The following FAM47C variants were observed in gnomAD, a reference collection of about 807,000 sequenced individuals.
The protein encoded by FAM47C is putative protein FAM47C.
For synonymous variants in FAM47C, 307 were observed against 346.5 expected, an observed-to-expected ratio of 0.89 and a Z score of 1.27; for missense variants, 847 against 879.9, an observed-to-expected ratio of 0.96 and a Z score of 0.47.
In FAM47C at chrX:37,011,450, C is replaced by T. The variant is rs143561128; in HGVS notation, c.3040C>T (p.Pro1014Ser). ...ATGGACTTATGACTCTGTTAAGACT[C>T]CTATTCAACGTGCAATGCAAGTTTA... The part of the protein sequence containing the change: ...RGWTYDSVKT[P>S]IQRAMQVYKY... Residue 1014 changes from proline to serine, a missense_variant, in exon 1 of 1, where the codon CCT becomes TCT. Coordinates refer to ENST00000358047, the MANE Select transcript of FAM47C (RefSeq NM_001013736.3). 1.3e-3 allele frequency: 1,513 copies of T among 1,207,868 alleles called. 14 individuals carry two copies. Among genetic ancestry groups the T allele is most frequent in the Non-Finnish European group, 1.5e-4 (130 of 894,327 alleles).
chrX:37,008,685 G>A lies in FAM47C; in HGVS notation c.275G>A (p.Ser92Asn), dbSNP rs368080118. ...AGAGGTCCCCAAGCTGACCCCAAAA[G>A]CAGGAAGAAAAAGCTGCTCAAGAAA... ...SLRGPQADPK[S>N]RKKKLLKKAA... The change falls in exon 1 of 1, where the codon AGC becomes AAC. Residue 92 changes from serine (S) to asparagine (N), a missense_variant. Physicochemically the swap from Ser to Asn is conservative, Grantham distance 46 (BLOSUM62 1). Coordinates refer to ENST00000358047, the MANE Select transcript of FAM47C (RefSeq NM_001013736.3). 42 of 1,210,499 alleles carry A rather than the reference G, an allele frequency of 3.5e-5. No individual in the cohort carries two copies. Among genetic ancestry groups the A allele is most frequent in the Non-Finnish European group, 4.7e-5 (42 of 895,327 alleles).
In FAM47C at chrX:37,010,989, A is replaced by G. The variant is rs782763070; in HGVS notation, c.2579A>G (p.Asp860Gly). 7.4e-6 allele frequency: 9 copies of G among 1,212,185 alleles called. No homozygotes were observed. In the South Asian group the frequency reaches 1.6e-4, roughly 21 times the overall value. Residue 860 changes from aspartate (D) to glycine (G), a missense_variant, in exon 1 of 1, where the codon GAC becomes GGC. By Grantham distance (94) the Asp-to-Gly change is moderately conservative. Coordinates refer to ENST00000358047, the MANE Select transcript of FAM47C (RefSeq NM_001013736.3). ...CTCCGTGACTTCAAGTGGGCTGGAG[A>G]CCTAGGAGTTAATGAAGAATCCATC... ...RKLRDFKWAG[D>G]LGVNEESISS...
chrX:37,008,424 G>A lies in FAM47C; in HGVS notation c.14G>A (p.Arg5Lys), dbSNP rs2731737. 6 of 1,200,737 alleles carry A rather than the reference G, an allele frequency of 5.0e-6. No homozygotes were observed. In the South Asian group the frequency reaches 7.1e-5, roughly 14 times the overall value. ...GCGAGGGCCACCATGGGGGACCAGAGGCCGCAGGACCGGCCCAGTTCCCCG... is the reference window on the plus strand; with the variant it reads ...GCGAGGGCCACCATGGGGGACCAGAAGCCGCAGGACCGGCCCAGTTCCCCG... MGDQ[R>K]PQDRPSSPGM... Residue 5 changes from arginine (R) to lysine (K), a missense_variant, in exon 1 of 1, where the codon AGG becomes AAG. By Grantham distance (26) the Arg-to-Lys change is conservative. Coordinates refer to ENST00000358047, the MANE Select transcript of FAM47C (RefSeq NM_001013736.3).
In FAM47C at chrX:37,011,452, T is replaced by C; in HGVS notation, c.3042T>C (p.Pro1014=). The C allele has an allele frequency of 8.3e-7, 1 of 1,209,495 alleles. No homozygotes were observed. The highest frequency in any genetic ancestry group is 1.1e-6 in the Non-Finnish European group (1 of 894,574). The stretch of plus-strand genomic sequence containing the variant: ...GGACTTATGACTCTGTTAAGACTCC[T>C]ATTCAACGTGCAATGCAAGTTTACA... ...RGWTYDSVKT[P]IQRAMQVYKY... is the part of the protein sequence containing the mutation. The change falls in exon 1 of 1, where the codon CCT becomes CCC. Residue 1014 remains proline (P), a synonymous_variant. Transcript: ENST00000358047.
At position 37,008,507 on chromosome X, in the gene FAM47C, C is replaced by T. The variant is rs61730913; in HGVS notation, c.97C>T (p.Arg33Cys). Residue 33 changes from arginine (R) to cysteine (C), a missense_variant, in exon 1 of 1, where the codon CGC (arginine) becomes TGC (cysteine). By Grantham distance (180) the Arg-to-Cys change is radical. Transcript: ENST00000358047. ...ACCGCCTTCCAAGTACTTCGCGAAG[C>T]GCAAGCACAGGCGCCTGAGGTTCCC... Reference protein sequence around the residue: ...DKPPSKYFAKRKHRRLRFPPV... With the variant: ...DKPPSKYFAKCKHRRLRFPPV... 1.5e-4 allele frequency: 184 copies of T among 1,211,598 alleles called. No homozygotes were observed. The African/African-American group carries it at 2.5e-3, about 17-fold the overall frequency.
At position 37,010,683 on chromosome X, in the gene FAM47C, G is replaced by A. The variant is rs376888720; in HGVS notation, c.2273G>A (p.Arg758His). Residue 758 changes from arginine (R) to histidine (H), a missense_variant, in exon 1 of 1, where the codon CGC becomes CAC. By Grantham distance (29) the Arg-to-His change is conservative. Coordinates refer to ENST00000358047, the MANE Select transcript of FAM47C (RefSeq NM_001013736.3). The stretch of plus-strand genomic sequence containing the variant: ...CTCCGCCCAGAGCCTCTTGAGACTC[G>A]CGTATCTCATCTCCGCCCGGAGCCT... ...SSLRPEPLET[R>H]VSHLRPEPPE... 4 of 1,207,859 alleles carry A rather than the reference G, an allele frequency of 3.3e-6. No homozygotes were observed. The highest frequency in any genetic ancestry group is 4.4e-5 in the Admixed American group (2 of 45,663).
rs369077079 is a variant in FAM47C at position 37,010,423 on chromosome X, C to G, written c.2013C>G (p.Pro671=). 4.4e-6 allele frequency: 5 copies of G among 1,148,038 alleles called. No individual in the cohort carries two copies. The East Asian group carries it at 1.3e-4, about 29-fold the overall frequency. 94.6% of individuals were successfully genotyped at this position (1,148,038 alleles called of 1,213,427 possible). The change falls in exon 1 of 1, where the codon CCC becomes CCG. Residue 671 remains proline, a synonymous_variant. Coordinates refer to ENST00000358047, the MANE Select transcript of FAM47C (RefSeq NM_001013736.3). ...TRVSSLPPEP[P]ETGVSHLCPE... ...TGTCCAGTCTCCCCCCGGAGCCCCC[C>G]GAGACTGGAGTGTCCCATCTCTGCC... is the stretch of plus-strand genomic sequence containing the variant.
chrX:37,009,279 G>C lies in FAM47C; in HGVS notation c.869G>C (p.Arg290Pro). The C allele has an allele frequency of 2.5e-6, 3 of 1,209,033 alleles. No individual in the cohort carries two copies. Among genetic ancestry groups the C allele is most frequent in the South Asian group, 1.8e-5 (1 of 56,827 alleles). Residue 290 changes from arginine (R) to proline (P), a missense_variant, in exon 1 of 1, where the codon CGC becomes CCC. By Grantham distance (103) the Arg-to-Pro change is moderately radical (BLOSUM62 -2). Coordinates refer to ENST00000358047, the MANE Select transcript of FAM47C (RefSeq NM_001013736.3). ...SHLCPEPPKT[R>P]VSHLHREPPE... ...CTCTGCCCAGAGCCTCCCAAGACTC[G>C]CGTATCTCATCTCCATCGGGAGCCT...
Position 37,008,951 on chromosome X carries a change from T to C in FAM47C, c.541T>C (p.Tyr181His), listed in dbSNP as rs146258005. The change falls in exon 1 of 1, where the codon TAC (tyrosine) becomes CAC (histidine). Residue 181 changes from tyrosine to histidine, a missense_variant. Physicochemically the swap from Tyr to His is moderately conservative, Grantham distance 83. Coordinates refer to ENST00000358047, the MANE Select transcript of FAM47C (RefSeq NM_001013736.3). Reference sequence around the variant, plus strand: ...TGACGAACCCACGGAGCCTGGTAAATACCCCTGTGGGGAATTCTCCCCTCG... The same window carrying C: ...TGACGAACCCACGGAGCCTGGTAAACACCCCTGTGGGGAATTCTCCCCTCG... The part of the protein sequence containing the change: ...TTDEPTEPGK[Y>H]PCGEFSPRPP... 196 of 1,209,841 alleles carry C rather than the reference T, an allele frequency of 1.6e-4. No individual in the cohort carries two copies. The highest frequency in any genetic ancestry group is 1.7e-4 in the Non-Finnish European group (155 of 894,967).
rs1556332096 is a variant in FAM47C at position 37,009,464 on chromosome X, T to C, written c.1054T>C (p.Ser352Pro). ...CCCAGAGCCTCCCGAGACTGGAGTG[T>C]CCCATCTCTGCCCGGAACCTCCAGA... ...LHPEPPETGV[S>P]HLCPEPPETR... is the part of the protein sequence containing the mutation. The change falls in exon 1 of 1, where the codon TCC (serine) becomes CCC (proline). Residue 352 changes from serine (S) to proline (P), a missense_variant. Coordinates refer to ENST00000358047, the MANE Select transcript of FAM47C (RefSeq NM_001013736.3). 3.3e-6 allele frequency: 4 copies of C among 1,207,712 alleles called. No individual in the cohort carries two copies. Among genetic ancestry groups the C allele is most frequent in the Middle Eastern group, 2.3e-4 (1 of 4,336 alleles).
At position 37,009,538 on chromosome X, in the gene FAM47C, C is replaced by G. The variant is rs782735990; in HGVS notation, c.1128C>G (p.Ser376=). 5.8e-6 allele frequency: 7 copies of G among 1,205,426 alleles called. No individual in the cohort carries two copies. In the East Asian group the frequency reaches 1.8e-4, roughly 31 times the overall value. ...LRQLPPEAGV[S]HLCPEPPKTR... ...AGCTGCCTCCCGAGGCTGGAGTGTC[C>G]CATCTCTGCCCGGAACCTCCCAAGA... is the stretch of plus-strand genomic sequence containing the variant. The change falls in exon 1 of 1, where the codon TCC becomes TCG. Residue 376 remains serine, a synonymous_variant. Coordinates refer to ENST00000358047, the MANE Select transcript of FAM47C (RefSeq NM_001013736.3).
In FAM47C at chrX:37,008,611, T is replaced by C; in HGVS notation, c.201T>C (p.Asp67=). The C allele has an allele frequency of 2.5e-6, 3 of 1,212,340 alleles. No individual in the cohort carries two copies. Among genetic ancestry groups the C allele is most frequent in the Non-Finnish European group, 2.2e-6 (2 of 895,587 alleles). Residue 67 remains aspartate (D), a synonymous_variant, in exon 1 of 1, where the codon GAT becomes GAC. Transcript: ENST00000358047. ...GCTACGGCTGTCAGTCTCCTGAAGA[T>C]ACGCTTGTTTGTCGCCGTGACGAGT... is the stretch of plus-strand genomic sequence containing the variant. The part of the protein sequence containing the change: ...DFRYGCQSPE[D]TLVCRRDEFL...
Position 37,011,228 on chromosome X carries a change from G to T in FAM47C, c.2818G>T (p.Ala940Ser). Residue 940 changes from alanine to serine, a missense_variant, in exon 1 of 1, where the codon GCA (alanine) becomes TCA (serine). Ala to Ser is a moderately conservative substitution (Grantham distance 99). Coordinates refer to ENST00000358047, the MANE Select transcript of FAM47C (RefSeq NM_001013736.3). ...ACAGCATGTGAAGATGGGGTATGGA[G>T]CATGGTACCTCAAGCCTAAGTTGGG... is the stretch of plus-strand genomic sequence containing the variant. ...SAQHVKMGYG[A>S]WYLKPKLGKK... The T allele has an allele frequency of 8.3e-7, 1 of 1,211,484 alleles. No individual in the cohort carries two copies.
chrX:37,008,910 G>T lies in FAM47C; in HGVS notation c.500G>T (p.Gly167Val). ...RKLEDAGSCE[G>V]QEKTTDEPTE... is the part of the protein sequence containing the mutation. ...CTGGAGGACGCAGGCTCTTGTGAGG[G>T]CCAGGAGAAGACAACTGACGAACCC... Residue 167 changes from glycine (G) to valine (V), a missense_variant, in exon 1 of 1, where the codon GGC becomes GTC. Physicochemically the swap from Gly to Val is moderately radical, Grantham distance 109. Coordinates refer to ENST00000358047, the MANE Select transcript of FAM47C (RefSeq NM_001013736.3). 8.3e-7 allele frequency: 1 copy of T among 1,211,768 alleles called. No individual in the cohort carries two copies. Among genetic ancestry groups the T allele is most frequent in the South Asian group, 1.8e-5 (1 of 56,963 alleles).
Position 37,011,088 on chromosome X carries a change from G to A in FAM47C, c.2678G>A (p.Cys893Tyr). ...CAAAAGAATAAGAAGGCAAACGAGT[G>A]TTCCTCAGGGCTGAAGTACAGCATG... Reference protein sequence around the residue: ...QDQKNKKANECSSGLKYSMEL... With the variant: ...QDQKNKKANEYSSGLKYSMEL... Residue 893 changes from cysteine (C) to tyrosine (Y), a missense_variant, in exon 1 of 1, where the codon TGT (cysteine) becomes TAT (tyrosine). Physicochemically the swap from Cys to Tyr is radical, Grantham distance 194. Transcript: ENST00000358047. The A allele has an allele frequency of 1.7e-6, 2 of 1,212,052 alleles. No individual in the cohort carries two copies. The highest frequency in any genetic ancestry group is 2.2e-6 in the Non-Finnish European group (2 of 895,649).
In FAM47C at chrX:37,008,509, C is replaced by G; in HGVS notation, c.99C>G (p.Arg33=). Residue 33 remains arginine (R), a synonymous_variant, in exon 1 of 1, where the codon CGC becomes CGG. Transcript: ENST00000358047. ...CGCCTTCCAAGTACTTCGCGAAGCG[C>G]AAGCACAGGCGCCTGAGGTTCCCGC... The part of the protein sequence containing the change: ...DKPPSKYFAK[R]KHRRLRFPPV... 2 of 1,212,567 alleles carry G rather than the reference C, an allele frequency of 1.6e-6. No individual in the cohort carries two copies. The highest frequency in any genetic ancestry group is 2.2e-6 in the Non-Finnish European group (2 of 895,631).
chrX:37,009,688 C>T lies in FAM47C; in HGVS notation c.1278C>T (p.Leu426=). The change falls in exon 1 of 1, where the codon CTC becomes CTT. Residue 426 remains leucine (L), a synonymous_variant. Coordinates refer to ENST00000358047, the MANE Select transcript of FAM47C (RefSeq NM_001013736.3). ...SEPPKIGVSH[L]CLEPPKTRGS... ...CTCCCAAGATTGGAGTGTCCCATCTCTGCCTGGAGCCTCCCAAGACTCGCG... is the reference window on the plus strand; with the variant it reads ...CTCCCAAGATTGGAGTGTCCCATCTTTGCCTGGAGCCTCCCAAGACTCGCG... 1 of 1,210,533 alleles carries T rather than the reference C, an allele frequency of 8.3e-7. No homozygotes were observed. The highest frequency in any genetic ancestry group is 1.1e-6 in the Non-Finnish European group (1 of 895,070).
chrX:37,011,477 A>G lies in FAM47C; in HGVS notation c.3067A>G (p.Lys1023Glu). ...TPIQRAMQVYKYKEDVTDASE... is the reference protein window; with the variant it reads ...TPIQRAMQVYEYKEDVTDASE... ...TATTCAACGTGCAATGCAAGTTTAC[A>G]AGTACAAAGAAGACGTCACAGATGC... The change falls in exon 1 of 1, where the codon AAG becomes GAG. Residue 1023 changes from lysine (K) to glutamate (E), a missense_variant. Coordinates refer to ENST00000358047, the MANE Select transcript of FAM47C (RefSeq NM_001013736.3). 8.3e-7 allele frequency: 1 copy of G among 1,202,341 alleles called. No individual in the cohort carries two copies. Among genetic ancestry groups the G allele is most frequent in the Non-Finnish European group, 1.1e-6 (1 of 890,720 alleles).
At position 37,008,440 on chromosome X, in the gene FAM47C, C is replaced by G. The variant is rs782518080; in HGVS notation, c.30C>G (p.Pro10=). 1.1e-5 allele frequency: 13 copies of G among 1,208,249 alleles called. No individual in the cohort carries two copies. The highest frequency in any genetic ancestry group is 4.6e-4 in the Middle Eastern group (2 of 4,321). Reference sequence around the variant, plus strand: ...GGGACCAGAGGCCGCAGGACCGGCCCAGTTCCCCGGGCATGGACTCCACGC... The same window carrying G: ...GGGACCAGAGGCCGCAGGACCGGCCGAGTTCCCCGGGCATGGACTCCACGC... MGDQRPQDR[P]SSPGMDSTPW... is the part of the protein sequence containing the mutation. Residue 10 remains proline, a synonymous_variant, in exon 1 of 1, where the codon CCC becomes CCG. Coordinates refer to ENST00000358047, the MANE Select transcript of FAM47C (RefSeq NM_001013736.3).
Sources: allele counts gnomAD v4.1 joint callset, GRCh38; gene constraint gnomAD v4.1.1; transcripts MANE v1.5; gene names NCBI Gene and HGNC (gene_info 2026-07-23, HGNC 2026-07-21).